TUBB8B: variants seen among roughly 807,000 people sequenced by gnomAD.
TUBB8B encodes the protein HSA18p11 beta-tubulin 4Q pseudogene.
TUBB8B carries 26 observed loss-of-function variants against 31.9 expected under a neutral mutation model. That is an observed-to-expected ratio of 0.81 (90% CI 0.60 to 1.13). The LOEUF (loss-of-function observed/expected upper bound fraction) is 1.13. Among genes scored for constraint, TUBB8B ranks in the 50% most tolerant of loss-of-function variants. The pLI, the probability that TUBB8B is intolerant of heterozygous loss-of-function variation, is 0.00. For missense variants in TUBB8B, 467 were observed against 586.7 expected, an observed-to-expected ratio of 0.80 and a Z score of 2.11; for synonymous variants, 173 against 231.0, an observed-to-expected ratio of 0.75 and a Z score of 2.28.
the TUBB8B span, among the ~76,000 whole-genome samples, chr18:63,235 TAGTCTTCAC>T: frequency 2.0e-5 from 3 of 151,856 alleles, no homozygotes; most frequent in East Asian, 5.8e-4. Flanking sequence ...GTCTTTATTG[TAGTCTTCAC>T]AGTCTGGGCT....
the TUBB8B span, among the ~76,000 whole-genome samples, chr18:69,299 C>CA: frequency 1.5e-3 from 228 of 150,630 alleles, 3 homozygotes; most frequent in East Asian, 0.021. Context: ...CTCATCTCTA[C>CA]AAAAAAAAAC....
rs757276513 is a variant in TUBB8B, at chr18:47,623, T to G, written c.1102A>C (p.Ile368Leu). ...TCCTGGATGGCCGCATTATTCCCAATGAAGGTGGCTGACATTTTTAGCCCC... is the reference window on the plus strand; with the variant it reads ...TCCTGGATGGCCGCATTATTCCCAAGGAAGGTGGCTGACATTTTTAGCCCC... The part of the protein sequence containing the change: ...PRGLKMSATF[I>L]GNNAAIQELF... The change falls in exon 4 of 4, where the codon ATT (isoleucine) becomes CTT (leucine). Residue 368 changes from isoleucine (I) to leucine (L), a missense_variant. By Grantham distance (5) the Ile-to-Leu change is conservative. This residue lies in a region of TUBB8B where 208 missense variants were observed against 206.7 expected (regional missense o/e 1.01). Transcript: ENST00000308911. 4 of 1,612,566 alleles carry G rather than the reference T, an allele frequency of 2.5e-6. No homozygotes were observed. The highest frequency in any genetic ancestry group is 2.5e-6 in the Non-Finnish European group (3 of 1,179,276).
the TUBB8B span, among the ~76,000 whole-genome samples, chr18:55,700 G>T: frequency 6.6e-6 from 1 of 151,676 alleles, no homozygotes; most frequent in Non-Finnish European, 1.5e-5. Flanking sequence ...AGATTTGGGT[G>T]GGGACACAAA....
the TUBB8B span, among the ~76,000 whole-genome samples, chr18:61,059 G>C: frequency 1.3e-5 from 2 of 151,562 alleles, no homozygotes; most frequent in African/African-American, 4.8e-5. Context: ...GGGTGTTGAA[G>C]TGTCCAGCCA....
the TUBB8B span, among the ~76,000 whole-genome samples, chr18:61,853 CTCTT>C: frequency 6.1e-3 from 923 of 151,662 alleles, 22 homozygotes; most frequent in Non-Finnish European, 0.01. Flanking sequence ...TTATTGTTTA[CTCTT>C]TCTATTTGAG....
the TUBB8B span, among the ~76,000 whole-genome samples, chr18:67,919 T>G: frequency 3.3e-5 from 5 of 152,086 alleles, no homozygotes; most frequent in Non-Finnish European, 7.4e-5. Flanking sequence ...AATACTGATA[T>G]GATGCACACA....
At chr18:59,481 TATTTA>T in the TUBB8B span, among the ~76,000 whole-genome samples, 2 of 151,598 alleles carry the variant, frequency 1.3e-5, no homozygotes, top group South Asian at 4.2e-4. Context: ...TATTAAAGAA[TATTTA>T]ATTTTATCAA....
At chr18:65,669 T>C in the TUBB8B span, among the ~76,000 whole-genome samples, 2 of 152,152 alleles carry the variant, frequency 1.3e-5, no homozygotes, top group African/African-American at 4.8e-5. Flanking sequence ...TTTTCATCAT[T>C]GTATTCAACA....
chr18:61,722 A>C, the TUBB8B span, among the ~76,000 whole-genome samples: 5 of 151,380 alleles, frequency 3.3e-5, no homozygotes, highest in African/African-American at 4.8e-5. Flanking sequence ...CAAGCAAAGC[A>C]ACTAATAAAA....
the TUBB8B span, among the ~76,000 whole-genome samples, chr18:70,662 C>T: frequency 6.6e-6 from 1 of 151,794 alleles, no homozygotes; most frequent in African/African-American, 2.4e-5. Flanking sequence ...AAGAAAAATA[C>T]TGCAGGGCCG....
At position 47,866 on chromosome 18, in the gene TUBB8B, CCA is replaced by C. The variant is rs1270229093; in HGVS notation, c.857_858del (p.Val286GlyfsTer2). The C allele has an allele frequency of 6.8e-6, 11 of 1,611,028 alleles. No homozygotes were observed. Among genetic ancestry groups the C allele is most frequent in the South Asian group, 5.5e-5 (5 of 91,014 alleles). ...TCAAACATCTGCTGGGTGAGCTCAG[CCA>C]CAGTCAAGGCCCGGTACTGCTGGCT... is the stretch of plus-strand genomic sequence containing the variant. ...RGSQQYRALT[V>X]AELTQQMFDA... On this transcript the variant is annotated frameshift_variant, in exon 4 of 4. Coordinates refer to ENST00000308911, the MANE Select transcript of TUBB8B (RefSeq NM_001358689.2). LOFTEE classifies it high-confidence loss of function.
the TUBB8B span, among the ~76,000 whole-genome samples, chr18:67,002 T>TTG: frequency 2.0e-5 from 3 of 151,316 alleles, no homozygotes; most frequent in Admixed American, 1.3e-4. Flanking sequence ...TTTTGTTTTT[T>TTG]TTTTTTTTCC....
Position 49,030 on chromosome 18 carries a change from C to T in TUBB8B, c.187G>A (p.Ala63Thr), listed in dbSNP as rs762972763. ...CCCGGCTCCAGATCCACGAGCACAG[C>T]GCGGGGCACGTACCTGCCACCTGCG... is the stretch of plus-strand genomic sequence containing the variant. ...EASGGRYVPR[A>T]VLVDLEPGTM... The change falls in exon 3 of 4, where the codon GCT becomes ACT. Residue 63 changes from alanine (A) to threonine (T), a missense_variant. Physicochemically the swap from Ala to Thr is moderately conservative, Grantham distance 58. Around this residue, in one of 2 missense-constraint regions of TUBB8B, gnomAD observed 259 missense variants for 380.1 expected, o/e 0.68. Transcript: ENST00000308911. 7 of 1,607,562 alleles carry T rather than the reference C, an allele frequency of 4.4e-6. No homozygotes were observed. Among genetic ancestry groups the T allele is most frequent in the African/African-American group, 1.3e-5 (1 of 74,572 alleles).
the TUBB8B span, among the ~76,000 whole-genome samples, chr18:72,590 T>G: frequency 3.3e-5 from 5 of 152,132 alleles, no homozygotes; most frequent in Non-Finnish European, 5.9e-5. Context: ...AGGGCTTGAG[T>G]GCAGTGGCAT....
chr18:62,277 T>C, the TUBB8B span, among the ~76,000 whole-genome samples: 1 of 151,752 alleles, frequency 6.6e-6, no homozygotes, highest in Admixed American at 6.6e-5. Flanking sequence ...TCTTTATCCT[T>C]AACCTTTGGG....
the TUBB8B span, among the ~76,000 whole-genome samples, chr18:65,439 C>A: frequency 1.3e-5 from 2 of 152,108 alleles, no homozygotes; most frequent in African/African-American, 4.8e-5. Flanking sequence ...GCCATCACTG[C>A]AAATAAACAT....
Position 48,227 on chromosome 18 carries a change from T to C in TUBB8B, c.498A>G (p.Thr166=), listed in dbSNP as rs765462836. 8.2e-6 allele frequency: 13 copies of C among 1,590,572 alleles called. No individual in the cohort carries two copies. The South Asian group carries it at 9.9e-5, about 12-fold the overall frequency. The change falls in exon 4 of 4, where the codon ACA becomes ACG. Residue 166 remains threonine (T), a synonymous_variant. Transcript: ENST00000308911. The part of the protein sequence containing the change: ...REEYPDRIIN[T]FSILPSPKVS... The stretch of plus-strand genomic sequence containing the variant: ...CCTTGGGCGAGGGCAGGATGCTGAA[T>C]GTGTTTATGATCCTGTCTGGGTACT...
At chr18:63,456 G>C in the TUBB8B span, among the ~76,000 whole-genome samples, 2 of 151,254 alleles carry the variant, frequency 1.3e-5, no homozygotes, top group Non-Finnish European at 3.0e-5. Context: ...CTCTCTTTCT[G>C]TGCTAAGCCA....
chr18:72,756 T>C, the TUBB8B span, among the ~76,000 whole-genome samples: 1 of 151,780 alleles, frequency 6.6e-6, no homozygotes, highest in Non-Finnish European at 1.5e-5. Context: ...CCTGATGAGG[T>C]TGGGAGTTCG....
Sources: allele counts gnomAD v4.1 joint callset (sites outside exome capture counted in the v4.1 genomes callset), GRCh38; gene constraint gnomAD v4.1.1; regional missense constraint gnomAD v4.1.1; transcripts MANE v1.5; gene names NCBI Gene and HGNC (gene_info 2026-07-23, HGNC 2026-07-21).